Variants in TRIM2 observed in about 807,000 individuals in gnomAD.
TRIM2 encodes the protein tripartite motif containing 2, also known as tripartite motif-containing protein 2.
TRIM2 carries 20 observed loss-of-function variants against 75.2 expected under a neutral mutation model. The observed-to-expected ratio is 0.27, with a 90% CI of 0.19 to 0.39. The LOEUF (loss-of-function observed/expected upper bound fraction) is 0.39. TRIM2 is among the 10% of genes least tolerant of loss of function. TRIM2 has a pLI of 1.00. For missense variants in TRIM2, 660 were observed against 990.8 expected (o/e 0.67, Z 4.48); for synonymous variants, 373 against 388.3 (o/e 0.96, Z 0.46).
chr4:153,244,298 CTCCTCCTCCTCCTCCTCCTCCTCTTCT>C (rs1747859937), intron 1 of TRIM2, among the ~76,000 whole-genome samples: 2 of 40,572 alleles, frequency 4.9e-5, no homozygotes, highest in Non-Finnish European at 8.1e-5. Context: ...CCTCCTCCTC[CTCCTCCTCCTCCTCCTCCTCCTCTTCT>C]TCTTCTTCTT....
At chr4:153,304,398 G>A (rs571307894) in intron 6 of TRIM2, among the ~76,000 whole-genome samples, 6 of 152,222 alleles carry the variant, frequency 3.9e-5, no homozygotes, top group Admixed American at 3.9e-4. Flanking sequence ...ACAGGCGTGA[G>A]CCACCATGCC....
At chr4:153,287,975 A>T (rs1295343788) in intron 3 of TRIM2, among the ~76,000 whole-genome samples, 1 of 152,000 alleles carries the variant, frequency 6.6e-6, no homozygotes, top group Non-Finnish European at 1.5e-5. Flanking sequence ...AGCAACAGAC[A>T]CTCAGTTTTT....
chr4:153,339,109 GA>G lies in TRIM2; in HGVS notation c.*4144del, dbSNP rs751253790. ...TTGTTCTTTTATGAATCAAAATGTT[GA>G]CTGCCTATTTAAAGAAAAGAATGAA... On this transcript the variant is annotated 3_prime_UTR_variant, in exon 12 of 12. Coordinates refer to ENST00000338700, the MANE Select transcript of TRIM2 (RefSeq NM_015271.5). The G allele has an allele frequency of 5.0e-5, 49 of 985,512 alleles. No individual in the cohort carries two copies. Among genetic ancestry groups the G allele is most frequent in the Non-Finnish European group, 5.9e-5 (49 of 829,872 alleles). 61.0% of individuals were successfully genotyped at this position (985,512 alleles called of 1,614,324 possible). A position where few individuals can be genotyped will look rare whatever the true frequency, so the allele number is the denominator to read the frequency against.
intron 1 of TRIM2, among the ~76,000 whole-genome samples, chr4:153,218,516 T>C (rs993734254): frequency 3.3e-5 from 5 of 152,232 alleles, no homozygotes; most frequent in African/African-American, 4.8e-5. Context: ...ATCTATTTTA[T>C]TCTTTATACT....
intron 1 of TRIM2, among the ~76,000 whole-genome samples, chr4:153,219,867 C>T (rs1045551738): frequency 3.3e-4 from 50 of 150,614 alleles, no homozygotes; most frequent in African/African-American, 1.1e-3. Context: ...GATCCTGTCT[C>T]GAAAAAATAA....
upstream of TRIM2, among the ~76,000 whole-genome samples, chr4:153,200,311 G>A (rs1734204564): frequency 6.6e-6 from 1 of 152,140 alleles, no homozygotes; most frequent in Admixed American, 6.5e-5. Context: ...AACCTTTTGT[G>A]TCTGGCTTCT....
chr4:153,290,818 A>G (rs1006596449), intron 3 of TRIM2, among the ~76,000 whole-genome samples: 3 of 152,170 alleles, frequency 2.0e-5, no homozygotes, highest in African/African-American at 7.2e-5. Flanking sequence ...TTCTAGAGAC[A>G]GAGCTTTGCT....
intron 1 of TRIM2, among the ~76,000 whole-genome samples, chr4:153,181,224 C>T (rs1318645834): frequency 6.6e-6 from 1 of 152,244 alleles, no homozygotes. Context: ...CCCATAGCAG[C>T]TCCATGACTT....
intron 1 of TRIM2, among the ~76,000 whole-genome samples, chr4:153,268,885 A>G (rs1755946679): frequency 6.6e-6 from 1 of 152,212 alleles, no homozygotes; most frequent in Non-Finnish European, 1.5e-5. Flanking sequence ...GAATACCAAC[A>G]GATATTTCTT....
intron 11 of TRIM2, among the ~76,000 whole-genome samples, chr4:153,332,243 G>A (rs1053031964): frequency 6.6e-6 from 1 of 152,184 alleles, no homozygotes; most frequent in African/African-American, 2.4e-5. Context: ...GCAACAGACT[G>A]AGAGAAAATA....
intron 9 of TRIM2, among the ~76,000 whole-genome samples, chr4:153,323,233 A>C (rs560989821): frequency 6.6e-6 from 1 of 152,216 alleles, no homozygotes; most frequent in South Asian, 2.1e-4. Context: ...GGAGTCTAGA[A>C]TATTTGCTAG....
chr4:153,310,469 A>G (rs569381969), intron 6 of TRIM2, among the ~76,000 whole-genome samples: 8 of 152,358 alleles, frequency 5.3e-5, no homozygotes, highest in South Asian at 4.1e-4. Context: ...ACACTTGAAC[A>G]TTGCAGCATA....
At chr4:153,322,537 G>A (rs535187373) in intron 8 of TRIM2, 111 bp from the exon 9 acceptor site, 119 of 1,238,246 alleles carry the variant, frequency 9.6e-5, no homozygotes, top group Admixed American at 2.5e-5. Context: ...CTGTGTACCC[G>A]TTTGAACCTT....
intron 8 of TRIM2, among the ~76,000 whole-genome samples, chr4:153,320,195 A>G (rs952394977): frequency 6.6e-6 from 1 of 152,236 alleles, no homozygotes; most frequent in Non-Finnish European, 1.5e-5. Context: ...AGATTGGAGA[A>G]TCAGAATCAA....
At chr4:153,178,131 C>T (rs970602670) in intron 1 of TRIM2, among the ~76,000 whole-genome samples, 1 of 152,058 alleles carries the variant, frequency 6.6e-6, no homozygotes, top group South Asian at 2.1e-4. Context: ...AAATCAAGTT[C>T]TCTTCAGAAG....
At chr4:153,167,388 T>C (rs956907444) in intron 1 of TRIM2, among the ~76,000 whole-genome samples, 2 of 152,154 alleles carry the variant, frequency 1.3e-5, no homozygotes, top group Non-Finnish European at 1.5e-5. Context: ...GAAAAAAGTC[T>C]CTAAACAAAT....
chr4:153,221,990 GAGA>G, intron 1 of TRIM2, among the ~76,000 whole-genome samples: 1 of 42,168 alleles, frequency 2.4e-5, no homozygotes, highest in African/African-American at 7.4e-5. Flanking sequence ...AAGGAAGGGA[GAGA>G]GGAAGGAAGG....
At chr4:153,208,291 A>G (rs1324449171) in intron 1 of TRIM2, among the ~76,000 whole-genome samples, 1 of 152,122 alleles carries the variant, frequency 6.6e-6, no homozygotes, top group Non-Finnish European at 1.5e-5. Flanking sequence ...CCTTGTCTCA[A>G]AAGGAAAGTA....
At chr4:153,326,171 C>G (rs752207555) in intron 10 of TRIM2, among the ~76,000 whole-genome samples, 1 of 152,160 alleles carries the variant, frequency 6.6e-6, no homozygotes, top group Non-Finnish European at 1.5e-5. Flanking sequence ...TAAGCTGATA[C>G]TTCTGCCTCT....
Sources: allele counts gnomAD v4.1 joint callset (sites outside exome capture counted in the v4.1 genomes callset), GRCh38; gene constraint gnomAD v4.1.1; transcripts MANE v1.5; gene names NCBI Gene and HGNC (gene_info 2026-07-23, HGNC 2026-07-21).